Variants in DNAH10 observed in about 807,000 individuals in gnomAD.
DNAH10 encodes the protein dynein axonemal heavy chain 10, also known as axonemal beta dynein heavy chain 10.
Under a neutral mutation model 506.6 loss-of-function variants are expected in DNAH10, and 348 were observed. The observed-to-expected ratio is 0.69, with a 90% CI of 0.63 to 0.75. DNAH10 has a LOEUF of 0.75. DNAH10 is among the 30% of genes least tolerant of loss of function. The pLI is 0.00. For synonymous variants in DNAH10, 2,059 were observed against 2,198.6 expected (o/e 0.94, Z 1.78); for missense variants, 5,179 against 5,787.1 (o/e 0.89, Z 3.41).
chr12:123,929,091 G>A (rs375543450), intron 70 of DNAH10, 184 bp from the exon 71 acceptor site: 9 of 637,680 alleles, frequency 1.4e-5, no homozygotes, highest in East Asian at 8.2e-5. Context: ...TTGACCCTGA[G>A]AGCCAGAACA....
At chr12:123,788,094 G>C in intron 10 of DNAH10, 92 bp downstream of exon 10, 1 of 1,409,908 alleles carries the variant, frequency 7.1e-7, no homozygotes, top group South Asian at 1.2e-5. Context: ...GGAGCTGGGC[G>C]TCAGAAAGGG....
At chr12:123,929,637 T>A in intron 71 of DNAH10, 27 bp from the exon 72 acceptor site, 1 of 1,603,610 alleles carries the variant, frequency 6.2e-7, no homozygotes, top group South Asian at 1.1e-5. Context: ...GGTTTCAGTA[T>A]AACTGAGCGT....
At chr12:123,767,555 G>A (rs1477326729) in intron 1 of DNAH10, 51 bp from the exon 2 acceptor site, 7 of 1,539,046 alleles carry the variant, frequency 4.5e-6, no homozygotes, top group Non-Finnish European at 6.2e-6. Context: ...GGTGTTTCAT[G>A]CAGTGAACAA....
rs113638337 is a variant in DNAH10 at position 123,893,694 on chromosome 12, C to T, written c.9199+258C>T. ...CCGCAGTGCATGGACGGTGGCTCCC[C>T]GCTTCCTTCCATTTGGGAAAATTCC... On this transcript the variant is annotated intron_variant, in intron 53 of 78. Coordinates refer to ENST00000673944, the MANE Select transcript of DNAH10 (RefSeq NM_001372106.1). Among the ~76,000 whole-genome samples the T allele has an allele frequency of 2.1e-4, 32 of 152,312 alleles. No homozygotes were observed. In the East Asian group the frequency reaches 3.5e-3, roughly 17 times the overall value.
At chr12:123,797,837 A>AT (rs1958338673) in intron 13 of DNAH10, among the ~76,000 whole-genome samples, 1 of 152,128 alleles carries the variant, frequency 6.6e-6, no homozygotes, top group Non-Finnish European at 1.5e-5. Flanking sequence ...CCACCCATGG[A>AT]TTTTTATATG....
rs540444518 is a variant in DNAH10, at chr12:123,926,930, G to A, written c.12105+110G>A. The A allele has an allele frequency of 1.0e-4, 128 of 1,238,102 alleles. 2 individuals carry two copies. In the South Asian group the frequency reaches 1.7e-3, roughly 16 times the overall value. 76.7% of individuals were successfully genotyped at this position (1,238,102 alleles called of 1,614,324 possible). On this transcript the variant is annotated intron_variant, in intron 69 of 78. Transcript: ENST00000673944. This position sits in a 1 kb window ranked among gnomAD's most constrained non-coding sequence, Gnocchi z 4.1. ...TGAGTGCCACGCCACAAATCAGTTG[G>A]ATGCATTTCCGAGCTAAGAAGCAGT... is the stretch of plus-strand genomic sequence containing the variant.
intron 2 of DNAH10, among the ~76,000 whole-genome samples, chr12:123,768,714 TAGG>T (rs2135963262): frequency 6.6e-6 from 1 of 152,296 alleles, no homozygotes; most frequent in Admixed American, 6.5e-5. Flanking sequence ...GCCATTTTCT[TAGG>T]AGAATCTTCA....
At chr12:123,875,577 C>T in intron 47 of DNAH10, 86 bp downstream of exon 47, 2 of 1,536,758 alleles carry the variant, frequency 1.3e-6, no homozygotes, top group Non-Finnish European at 1.8e-6. Context: ...CATGTAGGCA[C>T]AGCAGGGTTA....
chr12:123,837,783 A>G (rs886661078), intron 28 of DNAH10, among the ~76,000 whole-genome samples: 1 of 147,348 alleles, frequency 6.8e-6, no homozygotes, highest in Non-Finnish European at 1.5e-5. Context: ...TTTAGTAGAG[A>G]TGGAGTCTTG....
intron 32 of DNAH10, among the ~76,000 whole-genome samples, chr12:123,847,124 G>A (rs1054668702): frequency 4.7e-5 from 7 of 149,664 alleles, no homozygotes; most frequent in South Asian, 2.1e-4. Context: ...CCATCCATCC[G>A]TGCATCCATC....
In DNAH10 at chr12:123,921,691, G is replaced by GTTTTT. The variant is rs35553163; in HGVS notation, c.11507-2036_11507-2032dup. Among the ~76,000 whole-genome samples, 100 of 62,878 alleles carry GTTTTT rather than the reference G, an allele frequency of 1.6e-3. 13 individuals carry two copies. Among genetic ancestry groups the GTTTTT allele is most frequent in the Non-Finnish European group, 1.8e-3 (64 of 35,180 alleles). The allele number at this position is 62,878 out of a possible 152,430, so 41.3% of individuals were successfully genotyped here. A position where few individuals can be genotyped will look rare whatever the true frequency, so the allele number is the denominator to read the frequency against. On this transcript the variant is annotated intron_variant, in intron 65 of 78. Coordinates refer to ENST00000673944, the MANE Select transcript of DNAH10 (RefSeq NM_001372106.1). ...CTTGTCCATCTGTCTGTAGCTTGCA[G>GTTTTT]TTTTTTTTTTTTTTTTTTTTTTTTT...
chr12:123,843,904 A>G (rs114520747), intron 30 of DNAH10, among the ~76,000 whole-genome samples: 1,526 of 152,342 alleles, frequency 0.01, 20 homozygotes, highest in African/African-American at 0.035. Context: ...TTATTTTGCC[A>G]TTAACTGTAG....
intron 76 of DNAH10, chr12:123,932,618 C>A: frequency 6.5e-6 from 1 of 155,020 alleles, no homozygotes; most frequent in East Asian, 1.9e-4. Context: ...ATTTTGATAG[C>A]TCTTGTTGGA....
At chr12:123,898,875 T>G in intron 56 of DNAH10, 61 bp downstream of exon 56, 8 of 1,513,626 alleles carry the variant, frequency 5.3e-6, no homozygotes, top group Non-Finnish European at 5.3e-6. Flanking sequence ...CGTAGGTGAG[T>G]GAGGGCGGGG....
chr12:123,837,178 CA>C (rs376403371), intron 28 of DNAH10, among the ~76,000 whole-genome samples: 301 of 92,452 alleles, frequency 3.3e-3, no homozygotes, highest in East Asian at 0.013. Flanking sequence ...ACTAAAAATA[CA>C]AAAAAAAAAA....
In DNAH10 at chr12:123,916,524, T is replaced by C; in HGVS notation, c.10790T>C (p.Phe3597Ser). 6.2e-7 allele frequency: 1 copy of C among 1,613,888 alleles called. No homozygotes were observed. The highest frequency in any genetic ancestry group is 8.5e-7 in the Non-Finnish European group (1 of 1,179,878). Residue 3597 changes from phenylalanine (F) to serine (S), a missense_variant, in exon 63 of 79, where the codon TTC becomes TCC. Around this residue, in one of 3 missense-constraint regions of DNAH10, gnomAD observed 4,844 missense variants for 5,430.5 expected, o/e 0.89. Transcript: ENST00000673944. This position sits in a 1 kb window ranked among gnomAD's most constrained non-coding sequence, Gnocchi z 4.6. ...ATGTCCATAAAGTACGGGACCCCTT[T>C]CCTGTTCCGCGATGTTGATGAATAC... ...LEMSIKYGTP[F>S]LFRDVDEYID... is the part of the protein sequence containing the mutation.
At chr12:123,779,010 C>T (rs1306449932) in intron 5 of DNAH10, among the ~76,000 whole-genome samples, 1 of 151,996 alleles carries the variant, frequency 6.6e-6, no homozygotes, top group African/African-American at 2.4e-5. Context: ...TGCCATTCTC[C>T]TGCCTCAGCC....
chr12:123,813,115 A>C (rs1444419458), intron 19 of DNAH10, 49 bp from the exon 20 acceptor site: 1 of 1,460,384 alleles, frequency 6.8e-7, no homozygotes, highest in Non-Finnish European at 9.3e-7. Context: ...CGTTGGAGGC[A>C]AAATAGATAC....
At chr12:123,805,196 A>G (rs1768580000) in intron 18 of DNAH10, among the ~76,000 whole-genome samples, 156 bp downstream of exon 18, 1 of 152,144 alleles carries the variant, frequency 6.6e-6, no homozygotes, top group Admixed American at 6.5e-5. Flanking sequence ...TGGGGGGATG[A>G]CCTTCATGAT....
Sources: allele counts gnomAD v4.1 joint callset (sites outside exome capture counted in the v4.1 genomes callset), GRCh38; gene constraint gnomAD v4.1.1; regional missense constraint gnomAD v4.1.1; non-coding constraint Gnocchi (gnomAD v3.1); transcripts MANE v1.5; gene names NCBI Gene and HGNC (gene_info 2026-07-23, HGNC 2026-07-21).